Variants in HSPB1 observed in about 807,000 individuals in gnomAD.
The protein encoded by HSPB1 is heat shock protein beta-1.
A neutral mutation model predicts 17.0 loss-of-function variants in HSPB1; 19 were observed. That is an observed-to-expected ratio of 1.12 (90% CI 0.78 to 1.64). The LOEUF (loss-of-function observed/expected upper bound fraction) is 1.64. HSPB1 is among the 40% of genes most tolerant of loss of function. The pLI, the probability that HSPB1 is intolerant of heterozygous loss-of-function variation, is 0.00. For synonymous variants in HSPB1, 165 were observed against 129.8 expected (o/e 1.27, Z -1.84); for missense variants, 348 against 289.2 (o/e 1.20, Z -1.47).
Position 76,304,241 on chromosome 7 carries a change from T to C in HSPB1, c.*68T>C. 2.2e-6 allele frequency: 3 copies of C among 1,367,306 alleles called. No homozygotes were observed. The highest frequency in any genetic ancestry group is 3.1e-6 in the Non-Finnish European group (3 of 975,716). The allele number at this position is 1,367,306 out of a possible 1,614,324, so 84.7% of individuals were successfully genotyped here. A position where few individuals can be genotyped will look rare whatever the true frequency, so the allele number is the denominator to read the frequency against. ...TGCCTCCCCCGCCACCTGTGTGTTC[T>C]TTTGATACATTTATCTTCTGTTTTT... is the stretch of plus-strand genomic sequence containing the variant. On this transcript the variant is annotated 3_prime_UTR_variant, in exon 3 of 3. Coordinates refer to ENST00000248553, the MANE Select transcript of HSPB1 (RefSeq NM_001540.5).
chr7:76,304,026 G>A lies in HSPB1; in HGVS notation c.471G>A (p.Leu157=). The part of the protein sequence containing the change: ...GVDPTQVSSS[L]SPEGTLTVEA... ...ACCCCACCCAAGTTTCCTCCTCCCTGTCCCCTGAGGGCACACTGACCGTGG... is the reference window on the plus strand; with the variant it reads ...ACCCCACCCAAGTTTCCTCCTCCCTATCCCCTGAGGGCACACTGACCGTGG... The change falls in exon 3 of 3, where the codon CTG becomes CTA. Residue 157 remains leucine, a synonymous_variant. Coordinates refer to ENST00000248553, the MANE Select transcript of HSPB1 (RefSeq NM_001540.5). 1 of 1,613,838 alleles carries A rather than the reference G, an allele frequency of 6.2e-7. No individual in the cohort carries two copies. Among genetic ancestry groups the A allele is most frequent in the Admixed American group, 1.7e-5 (1 of 59,988 alleles).
intron 1 of HSPB1, chr7:76,303,356 G>GC (rs932658890): frequency 3.8e-4 from 188 of 498,276 alleles, no homozygotes; most frequent in Admixed American, 6.7e-4. Flanking sequence ...AGCGAGACGC[G>GC]CCCCCCCGCC....
rs1455898327 is a variant in HSPB1, at chr7:76,303,805, A to G, written c.368A>G (p.Lys123Arg). ...GATTTCCCTCTTCCCCCCAAAGGCA[A>G]GCACGAGGAGCGGCAGGACGAGCAT... ...TKDGVVEITG[K>R]HEERQDEHGY... The change falls in exon 2 of 3, where the codon AAG (lysine) becomes AGG (arginine). Residue 123 changes from lysine to arginine, a missense_variant. Transcript: ENST00000248553. The G allele has an allele frequency of 6.2e-7, 1 of 1,603,932 alleles. No individual in the cohort carries two copies. The highest frequency in any genetic ancestry group is 1.3e-5 in the African/African-American group (1 of 74,092).
chr7:76,303,702 C>A, intron 1 of HSPB1, 100 bp from the exon 2 acceptor site: 1 of 946,586 alleles, frequency 1.1e-6, no homozygotes, highest in South Asian at 1.3e-5. Context: ...TACCAGCCTG[C>A]AGTCCTGGCT....
rs29001571 is a variant in HSPB1, at chr7:76,303,816, C to A, written c.379C>A (p.Arg127=). 7.8e-5 allele frequency: 124 copies of A among 1,583,972 alleles called. No individual in the cohort carries two copies. Among genetic ancestry groups the A allele is most frequent in the Non-Finnish European group, 1.0e-4 (122 of 1,164,246 alleles). The change falls in exon 2 of 3, where the codon CGG becomes AGG. Residue 127 remains arginine (R), a synonymous_variant. Coordinates refer to ENST00000248553, the MANE Select transcript of HSPB1 (RefSeq NM_001540.5). The part of the protein sequence containing the change: ...VVEITGKHEE[R]QDEHGYISRC... ...TCCCCCCAAAGGCAAGCACGAGGAG[C>A]GGCAGGACGAGCATGGCTACATCTC...
At position 76,302,833 on chromosome 7, in the gene HSPB1, G is replaced by C. The variant is rs1393404971; in HGVS notation, c.121G>C (p.Glu41Gln). ...CTTCGGGCTGCCCCGGCTGCCGGAG[G>C]AGTGGTCGCAGTGGTTAGGCGGCAG... ...QAFGLPRLPE[E>Q]WSQWLGGSSW... The change falls in exon 1 of 3, where the codon GAG (glutamate) becomes CAG (glutamine). Residue 41 changes from glutamate to glutamine, a missense_variant. Coordinates refer to ENST00000248553, the MANE Select transcript of HSPB1 (RefSeq NM_001540.5). The C allele has an allele frequency of 2.5e-6, 4 of 1,604,192 alleles. No individual in the cohort carries two copies. The highest frequency in any genetic ancestry group is 1.7e-5 in the Admixed American group (1 of 59,412).
In HSPB1 at chr7:76,302,874, C is replaced by T. The variant is rs770285235; in HGVS notation, c.162C>T (p.Tyr54=). ...QWLGGSSWPG[Y]VRPLPPAAIE... ...TAGGCGGCAGCAGCTGGCCAGGCTA[C>T]GTGCGCCCCCTGCCCCCCGCCGCCA... Residue 54 remains tyrosine, a synonymous_variant, in exon 1 of 3, where the codon TAC becomes TAT. Coordinates refer to ENST00000248553, the MANE Select transcript of HSPB1 (RefSeq NM_001540.5). 1.8e-5 allele frequency: 29 copies of T among 1,574,492 alleles called. 1 individual carries two copies. The highest frequency in any genetic ancestry group is 2.3e-5 in the Non-Finnish European group (27 of 1,165,516).
At chr7:76,303,635 TTC>T (rs1803051615) in intron 1 of HSPB1, 165 bp from the exon 2 acceptor site, 22 of 647,096 alleles carry the variant, frequency 3.4e-5, no homozygotes, top group Non-Finnish European at 6.2e-5. Context: ...TTCCGGAAGT[TTC>T]TGAGAGCCCA....
rs755890327 is a variant in HSPB1 at position 76,302,831 on chromosome 7, A to T, written c.119A>T (p.Glu40Val). ...GCCTTCGGGCTGCCCCGGCTGCCGG[A>T]GGAGTGGTCGCAGTGGTTAGGCGGC... ...DQAFGLPRLP[E>V]EWSQWLGGSS... is the part of the protein sequence containing the mutation. Residue 40 changes from glutamate (E) to valine (V), a missense_variant, in exon 1 of 3, where the codon GAG (glutamate) becomes GTG (valine). Physicochemically the swap from Glu to Val is moderately radical, Grantham distance 121 (BLOSUM62 -2). Transcript: ENST00000248553. 3 of 1,604,520 alleles carry T rather than the reference A, an allele frequency of 1.9e-6. No homozygotes were observed. In the African/African-American group the frequency reaches 4.0e-5, roughly 21 times the overall value.
At position 76,303,013 on chromosome 7, in the gene HSPB1, G is replaced by A; in HGVS notation, c.301G>A (p.Val101Ile). ...TADRWRVSLD[V>I]NHFAPDELTV... ...GGACCGCTGGCGCGTGTCCCTGGATGTCAACCACTTCGCCCCGGACGAGCT... is the reference window on the plus strand; with the variant it reads ...GGACCGCTGGCGCGTGTCCCTGGATATCAACCACTTCGCCCCGGACGAGCT... Residue 101 changes from valine to isoleucine, a missense_variant, in exon 1 of 3, where the codon GTC becomes ATC. Transcript: ENST00000248553. 6.5e-7 allele frequency: 1 copy of A among 1,543,746 alleles called. No homozygotes were observed. Among genetic ancestry groups the A allele is most frequent in the Non-Finnish European group, 8.7e-7 (1 of 1,149,770 alleles).
At position 76,303,815 on chromosome 7, in the gene HSPB1, G is replaced by A. The variant is rs1376457299; in HGVS notation, c.378G>A (p.Glu126=). Residue 126 remains glutamate, a synonymous_variant, in exon 2 of 3, where the codon GAG becomes GAA. Transcript: ENST00000248553. ...TTCCCCCCAAAGGCAAGCACGAGGAGCGGCAGGACGAGCATGGCTACATCT... is the reference window on the plus strand; with the variant it reads ...TTCCCCCCAAAGGCAAGCACGAGGAACGGCAGGACGAGCATGGCTACATCT... ...GVVEITGKHE[E]RQDEHGYISR... is the part of the protein sequence containing the mutation. The A allele has an allele frequency of 3.7e-6, 6 of 1,610,624 alleles. No homozygotes were observed. Among genetic ancestry groups the A allele is most frequent in the Non-Finnish European group, 5.1e-6 (6 of 1,179,756 alleles).
chr7:76,303,780 G>C lies in HSPB1; in HGVS notation c.365-22G>C, dbSNP rs762587749. ...AAGGCAGTCCCCTCCCCCGCAGTCT[G>C]ATTTCCCTCTTCCCCCCAAAGGCAA... is the stretch of plus-strand genomic sequence containing the variant. On this transcript the variant is annotated intron_variant, in intron 1 of 2. Coordinates refer to ENST00000248553, the MANE Select transcript of HSPB1 (RefSeq NM_001540.5). 7 of 1,609,308 alleles carry C rather than the reference G, an allele frequency of 4.3e-6. No homozygotes were observed. The Admixed American group carries it at 5.0e-5, about 12-fold the overall frequency.
At position 76,302,708 on chromosome 7, in the gene HSPB1, C is replaced by T. The variant is rs948469224; in HGVS notation, c.-5C>T. The T allele has an allele frequency of 3.7e-6, 6 of 1,600,580 alleles. No individual in the cohort carries two copies. Among genetic ancestry groups the T allele is most frequent in the South Asian group, 1.1e-5 (1 of 91,002 alleles). ...GAGCAGACGTCCAGAGCAGAGTCAG[C>T]CAGCATGACCGAGCGCCGCGTCCCC... On this transcript the variant is annotated 5_prime_UTR_variant, in exon 1 of 3. Coordinates refer to ENST00000248553, the MANE Select transcript of HSPB1 (RefSeq NM_001540.5).
At chr7:76,303,531 G>A in intron 1 of HSPB1, 1 of 578,136 alleles carries the variant, frequency 1.7e-6, no homozygotes, top group Non-Finnish European at 3.1e-6. Context: ...GCCGCTGAGT[G>A]GGCGTGTGCG....
At chr7:76,303,616 C>G (rs980794897) in intron 1 of HSPB1, 186 bp from the exon 2 acceptor site, 3 of 638,298 alleles carry the variant, frequency 4.7e-6, no homozygotes, top group African/African-American at 3.6e-5. Flanking sequence ...AACTCTGAAT[C>G]GAAGAACTTT....
chr7:76,303,825 G>A lies in HSPB1; in HGVS notation c.388G>A (p.Glu130Lys), dbSNP rs898362811. The change falls in exon 2 of 3, where the codon GAG becomes AAG. Residue 130 changes from glutamate to lysine, a missense_variant. By Grantham distance (56) the Glu-to-Lys change is moderately conservative. Transcript: ENST00000248553. ...ITGKHEERQDEHGYISRCFTR... is the reference protein window; with the variant it reads ...ITGKHEERQDKHGYISRCFTR... ...AGGCAAGCACGAGGAGCGGCAGGAC[G>A]AGCATGGCTACATCTCCCGGTGCTT... The A allele has an allele frequency of 6.2e-6, 10 of 1,610,086 alleles. No homozygotes were observed. The highest frequency in any genetic ancestry group is 2.2e-5 in the East Asian group (1 of 44,830).
rs2117161041 is a variant in HSPB1 at position 76,303,799 on chromosome 7, A to G, written c.365-3A>G. On this transcript the variant is annotated splice_region_variant and splice_polypyrimidine_tract_variant and intron_variant, in intron 1 of 2. Transcript: ENST00000248553. ...CAGTCTGATTTCCCTCTTCCCCCCA[A>G]AGGCAAGCACGAGGAGCGGCAGGAC... is the stretch of plus-strand genomic sequence containing the variant. 1.9e-6 allele frequency: 3 copies of G among 1,606,130 alleles called. No individual in the cohort carries two copies. The highest frequency in any genetic ancestry group is 2.3e-5 in the East Asian group (1 of 44,430).
At position 76,302,989 on chromosome 7, in the gene HSPB1, G is replaced by A. The variant is rs777201941; in HGVS notation, c.277G>A (p.Asp93Asn). The change falls in exon 1 of 3, where the codon GAC (aspartate) becomes AAC (asparagine). Residue 93 changes from aspartate (D) to asparagine (N), a missense_variant. Physicochemically the swap from Asp to Asn is conservative, Grantham distance 23. Transcript: ENST00000248553. ...SGVSEIRHTADRWRVSLDVNH... is the reference protein window; with the variant it reads ...SGVSEIRHTANRWRVSLDVNH... ...GGTCTCGGAGATCCGGCACACTGCG[G>A]ACCGCTGGCGCGTGTCCCTGGATGT... The A allele has an allele frequency of 3.9e-5, 60 of 1,543,046 alleles. No homozygotes were observed. The highest frequency in any genetic ancestry group is 6.1e-6 in the Non-Finnish European group (7 of 1,149,630).
At chr7:76,303,536 T>C in intron 1 of HSPB1, 2 of 579,774 alleles carry the variant, frequency 3.4e-6, no homozygotes, top group South Asian at 4.2e-5. Flanking sequence ...TGAGTGGGCG[T>C]GTGCGCGGCT....
Sources: gnomAD v4.1 joint callset for allele counts on GRCh38, gnomAD v4.1.1 for gene constraint, MANE v1.5 for transcripts, NCBI Gene and HGNC (gene_info 2026-07-23, HGNC 2026-07-21) for gene names.